The following CNTNAP2 variants were observed in gnomAD, a reference collection of about 807,000 sequenced individuals.
CNTNAP2 encodes the protein contactin associated protein 2.
Under a neutral mutation model 155.2 loss-of-function variants are expected in CNTNAP2, and 98 were observed. The ratio of observed to expected loss-of-function variants is 0.63; its 90% confidence interval spans 0.54 to 0.75. CNTNAP2 has a LOEUF of 0.75. Among genes scored for constraint, CNTNAP2 ranks in the 30% least tolerant of loss-of-function variants. The pLI is 0.00. For missense variants in CNTNAP2, 1,727 were observed against 1,688.1 expected (o/e 1.02, Z -0.40); for synonymous variants, 651 against 631.2 (o/e 1.03, Z -0.47).
intron 1 of CNTNAP2, among the ~76,000 whole-genome samples, chr7:146,319,824 C>T (rs925685634): frequency 6.6e-6 from 1 of 152,090 alleles, no homozygotes; most frequent in African/African-American, 2.4e-5. Flanking sequence ...GCATTCCCAT[C>T]GTTCGGGCAT....
chr7:147,390,844 T>C (rs1796701863), intron 9 of CNTNAP2, among the ~76,000 whole-genome samples: 1 of 152,128 alleles, frequency 6.6e-6, no homozygotes, highest in Non-Finnish European at 1.5e-5. Context: ...TGAAGATTTA[T>C]GGCCATCTTG....
chr7:147,791,610 A>C (rs1336790133), intron 13 of CNTNAP2, among the ~76,000 whole-genome samples: 2 of 152,134 alleles, frequency 1.3e-5, no homozygotes, highest in African/African-American at 4.8e-5. Flanking sequence ...CAAGGATAGT[A>C]ACCCAGGACA....
At chr7:146,497,940 CAT>C (rs1249025275) in intron 1 of CNTNAP2, among the ~76,000 whole-genome samples, 2 of 150,302 alleles carry the variant, frequency 1.3e-5, no homozygotes, top group African/African-American at 4.9e-5. Flanking sequence ...TATACATAAA[CAT>C]AGAATAAACA....
In CNTNAP2 at chr7:146,116,850, G is replaced by C. The variant is rs1797490195; in HGVS notation, c.-27G>C. ...GACTGCATCTCCGCAGCGAGCTCTT[G>C]GAGCGCCGCCGGCCGGGAGGCGAAG... On this transcript the variant is annotated 5_prime_UTR_variant, in exon 1 of 24. Transcript: ENST00000361727. This position sits in a 1 kb window ranked among gnomAD's most constrained non-coding sequence, Gnocchi z 5.5. 3 of 1,530,662 alleles carry C rather than the reference G, an allele frequency of 2.0e-6. No individual in the cohort carries two copies. The highest frequency in any genetic ancestry group is 2.6e-6 in the Non-Finnish European group (3 of 1,134,468). The allele number at this position is 1,530,662 out of a possible 1,614,324, so 94.8% of individuals were successfully genotyped here. A position where few individuals can be genotyped will look rare whatever the true frequency, so the allele number is the denominator to read the frequency against.
chr7:146,639,667 G>A (rs551438878), intron 1 of CNTNAP2, among the ~76,000 whole-genome samples: 4 of 152,214 alleles, frequency 2.6e-5, no homozygotes, highest in Non-Finnish European at 4.4e-5. Context: ...GTATTCAGAA[G>A]TAAAAATGAC....
intron 1 of CNTNAP2, among the ~76,000 whole-genome samples, chr7:146,462,526 C>T (rs953505858): frequency 6.6e-6 from 1 of 152,258 alleles, no homozygotes; most frequent in African/African-American, 2.4e-5. Flanking sequence ...GGATACTAAT[C>T]ACTAGTTGAT....
intron 1 of CNTNAP2, among the ~76,000 whole-genome samples, chr7:146,559,014 A>C (rs1279292233): frequency 6.6e-6 from 1 of 152,212 alleles, no homozygotes; most frequent in Non-Finnish European, 1.5e-5. Flanking sequence ...CATAAAACTA[A>C]TATGCATTTA....
At chr7:148,088,401 TAAAC>T (rs1208667745) in intron 15 of CNTNAP2, among the ~76,000 whole-genome samples, 4 of 148,462 alleles carry the variant, frequency 2.7e-5, no homozygotes, top group Admixed American at 2.0e-4. Context: ...TGGAAAAAAA[TAAAC>T]AAAATCAATA....
intron 8 of CNTNAP2, among the ~76,000 whole-genome samples, chr7:147,269,876 G>A (rs987837267): frequency 6.6e-6 from 1 of 152,002 alleles, no homozygotes; most frequent in East Asian, 1.9e-4. Flanking sequence ...ATTATGGTAA[G>A]ACCACTGTCT....
chr7:147,303,643 T>C (rs1429269641), intron 9 of CNTNAP2, among the ~76,000 whole-genome samples: 1 of 152,260 alleles, frequency 6.6e-6, no homozygotes, highest in Admixed American at 6.5e-5. Context: ...ATTTTGAATA[T>C]GGCTTTATCA....
chr7:146,433,070 C>T (rs905490536), intron 1 of CNTNAP2, among the ~76,000 whole-genome samples: 7 of 152,110 alleles, frequency 4.6e-5, no homozygotes, highest in Admixed American at 2.6e-4. Context: ...AGAAGTGTCT[C>T]GCATTTCCAA....
chr7:147,825,074 G>A (rs1227391494), intron 13 of CNTNAP2, among the ~76,000 whole-genome samples: 1 of 152,160 alleles, frequency 6.6e-6, no homozygotes, highest in Non-Finnish European at 1.5e-5. Flanking sequence ...AAGATTTTAT[G>A]TATCAAATAT....
chr7:147,869,367 G>A (rs1799289707), intron 13 of CNTNAP2, among the ~76,000 whole-genome samples: 1 of 152,168 alleles, frequency 6.6e-6, no homozygotes, highest in Non-Finnish European at 1.5e-5. Context: ...TGCAGTGTAA[G>A]TTTCATAGAA....
At chr7:146,896,880 TA>T (rs1325834345) in intron 3 of CNTNAP2, among the ~76,000 whole-genome samples, 1 of 152,070 alleles carries the variant, frequency 6.6e-6, no homozygotes, top group Non-Finnish European at 1.5e-5. Context: ...TTATTTAACT[TA>T]TTAATTAATG....
chr7:146,901,968 C>T (rs201817498), intron 3 of CNTNAP2, among the ~76,000 whole-genome samples: 1 of 150,932 alleles, frequency 6.6e-6, no homozygotes, highest in African/African-American at 2.4e-5. Context: ...CTCCGCCTCC[C>T]GGGTTCACGC....
intron 21 of CNTNAP2, among the ~76,000 whole-genome samples, chr7:148,370,028 A>G (rs1798858360): frequency 6.6e-6 from 1 of 152,206 alleles, no homozygotes; most frequent in Non-Finnish European, 1.5e-5. Flanking sequence ...GGCTGTCTTT[A>G]AATCCCATTT....
At chr7:147,516,850 T>C (rs77909666) in intron 11 of CNTNAP2, among the ~76,000 whole-genome samples, 1 of 141,538 alleles carries the variant, frequency 7.1e-6, no homozygotes, top group Non-Finnish European at 1.5e-5. Flanking sequence ...TTTCTTTTCT[T>C]TTTTTTTTTT....
chr7:146,137,684 C>T (rs182382503), intron 1 of CNTNAP2, among the ~76,000 whole-genome samples: 6 of 151,884 alleles, frequency 4.0e-5, no homozygotes, highest in African/African-American at 1.4e-4. Context: ...TTATGTGTAC[C>T]ATAAAATAGA....
At chr7:147,799,072 C>T (rs772250929) in intron 13 of CNTNAP2, among the ~76,000 whole-genome samples, 1 of 152,160 alleles carries the variant, frequency 6.6e-6, no homozygotes, top group African/African-American at 2.4e-5. Flanking sequence ...CCATGTGCTA[C>T]ACAGCAAGAG....
Sources: gnomAD v4.1 joint callset for allele counts (sites outside exome capture counted in the v4.1 genomes callset) on GRCh38, gnomAD v4.1.1 for gene constraint, Gnocchi (gnomAD v3.1) non-coding constraint, MANE v1.5 for transcripts, NCBI Gene and HGNC (gene_info 2026-07-23, HGNC 2026-07-21) for gene names.